The following PTPRN2 variants were observed in gnomAD, a reference collection of about 807,000 sequenced individuals.
PTPRN2 encodes the protein protein tyrosine phosphatase receptor type N2.
A neutral mutation model predicts 118.8 loss-of-function variants in PTPRN2; 74 were observed. The ratio of observed to expected loss-of-function variants is 0.62; its 90% CI spans 0.52 to 0.76. PTPRN2 has a LOEUF of 0.76. PTPRN2 is among the 30% of genes least tolerant of loss of function. The probability of loss-of-function intolerance (pLI) is 0.00; values close to 1 mark genes in which losing one functional copy is unlikely to be tolerated. For missense variants in PTPRN2, 1,481 were observed against 1,394.4 expected (o/e 1.06, Z -0.99); for synonymous variants, 641 against 608.0 (o/e 1.05, Z -0.80).
At chr7:158,293,961 G>A (rs943884089) in intron 3 of PTPRN2, among the ~76,000 whole-genome samples, 4 of 152,194 alleles carry the variant, frequency 2.6e-5, no homozygotes, top group Admixed American at 2.6e-4. Context: ...GTCTGTGTGA[G>A]TGTTAGTTTT....
intron 4 of PTPRN2, among the ~76,000 whole-genome samples, chr7:158,195,749 CCTA>C (rs1300357389): frequency 6.6e-6 from 1 of 152,148 alleles, no homozygotes; most frequent in African/African-American, 2.4e-5. Context: ...TTTCCTGTCT[CCTA>C]CTTATTGTGT....
In PTPRN2 at chr7:157,539,756, C is replaced by T. The variant is rs1282630489; in HGVS notation, c.*958G>A. ...CTCTCCGAGTTGCCCTGATCTCCTT[C>T]TCTCCCAGGAGGGAAATGTCCCCTC... On this transcript the variant is annotated 3_prime_UTR_variant, in exon 23 of 23. Transcript: ENST00000389418. The T allele has an allele frequency of 6.6e-6, 1 of 151,888 alleles. No individual in the cohort carries two copies. The highest frequency in any genetic ancestry group is 1.5e-5 in the Non-Finnish European group (1 of 68,088). The allele number at this position is 151,888 out of a possible 1,614,324, so 9.4% of individuals were successfully genotyped here.
chr7:158,468,301 T>C (rs1163383034), intron 2 of PTPRN2, among the ~76,000 whole-genome samples: 1 of 152,248 alleles, frequency 6.6e-6, no homozygotes, highest in Non-Finnish European at 1.5e-5. Context: ...ATGAGGAAAC[T>C]GAATTCCCTC....
chr7:157,945,595 C>T (rs1273481034), intron 11 of PTPRN2, among the ~76,000 whole-genome samples: 8 of 152,100 alleles, frequency 5.3e-5, no homozygotes, highest in South Asian at 2.1e-4. Flanking sequence ...TGGACAATGT[C>T]GCCTCCACCT....
intron 11 of PTPRN2, among the ~76,000 whole-genome samples, chr7:158,056,687 T>C: frequency 6.6e-6 from 1 of 152,176 alleles, no homozygotes; most frequent in South Asian, 2.1e-4. Context: ...GTGAGGCCTA[T>C]TTCTTATAGC....
intron 3 of PTPRN2, among the ~76,000 whole-genome samples, chr7:158,290,666 A>G (rs1328709262): frequency 6.6e-6 from 1 of 152,180 alleles, no homozygotes; most frequent in Non-Finnish European, 1.5e-5. Context: ...TCCCCCACAT[A>G]GAGGGCATCT....
At chr7:158,147,510 G>C (rs1820246452) in intron 6 of PTPRN2, among the ~76,000 whole-genome samples, 2 of 107,652 alleles carry the variant, frequency 1.9e-5, no homozygotes. Context: ...CACGCCACAG[G>C]TCTTTCCCCC....
chr7:158,145,565 A>C (rs1442262597), intron 6 of PTPRN2, among the ~76,000 whole-genome samples: 1 of 152,228 alleles, frequency 6.6e-6, no homozygotes, highest in Non-Finnish European at 1.5e-5. Context: ...CAACGTGAGC[A>C]GAAAGGCCAT....
chr7:158,175,234 C>T (rs555463644), intron 5 of PTPRN2, among the ~76,000 whole-genome samples: 5 of 152,350 alleles, frequency 3.3e-5, no homozygotes, highest in South Asian at 2.1e-4. Flanking sequence ...TTGATCACGG[C>T]GTGCTTGCTG....
chr7:158,587,591 C>A lies in PTPRN2; in HGVS notation c.79G>T (p.Val27Phe), dbSNP rs928912003. 1.5e-6 allele frequency: 2 copies of A among 1,338,956 alleles called. No homozygotes were observed. The highest frequency in any genetic ancestry group is 1.9e-5 in the South Asian group (1 of 53,122). 82.9% of individuals were successfully genotyped at this position (1,338,956 alleles called of 1,614,324 possible). ...PRVLPAAPSS[V>F]PRGRQLPGRL... Reference sequence around the variant, plus strand: ...CCCGGGAGCTGCCGGCCGCGGGGGACGGACGAAGGGGCGGCAGGCAGGACG... The same window carrying A: ...CCCGGGAGCTGCCGGCCGCGGGGGAAGGACGAAGGGGCGGCAGGCAGGACG... The change falls in exon 1 of 23, where the codon GTC becomes TTC. Residue 27 changes from valine (V) to phenylalanine (F), a missense_variant. Transcript: ENST00000389418.
intron 14 of PTPRN2, among the ~76,000 whole-genome samples, chr7:157,653,950 G>A (rs1197937152): frequency 8.4e-5 from 8 of 95,496 alleles, no homozygotes; most frequent in East Asian, 3.1e-4. Context: ...CACGATGCCC[G>A]CTGCTCCCCA....
At chr7:157,737,827 T>A (rs1334479200) in intron 12 of PTPRN2, among the ~76,000 whole-genome samples, 2 of 152,246 alleles carry the variant, frequency 1.3e-5, no homozygotes, top group African/African-American at 2.4e-5. Context: ...ATTAGGATGC[T>A]GTGCGTTAAT....
chr7:158,164,405 C>T (rs1176822697), intron 6 of PTPRN2, among the ~76,000 whole-genome samples: 2 of 23,480 alleles, frequency 8.5e-5, no homozygotes, highest in Non-Finnish European at 1.2e-4. Context: ...AGAGCAGGAG[C>T]GCGCGCGTAG....
intron 11 of PTPRN2, among the ~76,000 whole-genome samples, chr7:157,917,231 G>T (rs1282748346): frequency 1.3e-5 from 2 of 152,194 alleles, no homozygotes; most frequent in South Asian, 2.1e-4. Context: ...GTTGCAAACC[G>T]CTCTCTCTCA....
intron 1 of PTPRN2, among the ~76,000 whole-genome samples, chr7:158,586,762 G>T (rs867979603): frequency 2.0e-5 from 3 of 152,216 alleles, no homozygotes; most frequent in Non-Finnish European, 4.4e-5. Flanking sequence ...CCGCGGGGGG[G>T]TGCGGGGGAC....
chr7:157,669,437 A>C (rs1796299780), intron 13 of PTPRN2: 1 of 455,850 alleles, frequency 2.2e-6, no homozygotes, highest in Non-Finnish European at 4.4e-6. Flanking sequence ...ACACACACAC[A>C]CACCCAGGGG....
chr7:157,886,112 C>G (rs866859521), intron 12 of PTPRN2, among the ~76,000 whole-genome samples: 47 of 152,146 alleles, frequency 3.1e-4, no homozygotes, highest in African/African-American at 9.9e-4. Context: ...CACTGAGGGA[C>G]CTTATGAACA....
intron 10 of PTPRN2, among the ~76,000 whole-genome samples, chr7:158,090,140 T>G (rs11976322): frequency 9.3e-6 from 1 of 107,346 alleles, no homozygotes. Context: ...TTCACACACA[T>G]CCTTCTTCCA....
intron 11 of PTPRN2, among the ~76,000 whole-genome samples, chr7:157,976,133 C>A (rs572878884): frequency 3.2e-4 from 48 of 152,338 alleles, no homozygotes; most frequent in African/African-American, 1.1e-3. Flanking sequence ...TGGTGAAACG[C>A]CGGGAAAGGG....
Sources: gnomAD v4.1 joint callset for allele counts (sites outside exome capture counted in the v4.1 genomes callset) on GRCh38, gnomAD v4.1.1 for gene constraint, MANE v1.5 for transcripts, NCBI Gene and HGNC (gene_info 2026-07-23, HGNC 2026-07-21) for gene names.